Variants in CCSER1 observed in about 807,000 individuals in gnomAD.
CCSER1 encodes coiled-coil serine rich protein 1, also known as serine-rich coiled-coil domain-containing protein 1.
CCSER1 carries 41 observed loss-of-function variants against 82.0 expected under a neutral mutation model. That is an observed-to-expected ratio of 0.50 (90% CI 0.39 to 0.65). CCSER1 has a LOEUF of 0.65. Among genes scored for constraint, CCSER1 ranks in the 30% least tolerant of loss-of-function variants. The pLI is 0.00. For synonymous variants in CCSER1, 414 were observed against 383.9 expected (o/e 1.08, Z -0.92); for missense variants, 1,119 against 1,064.2 (o/e 1.05, Z -0.72).
chr4:91,340,813 C>T (rs1235411645), intron 10 of CCSER1, among the ~76,000 whole-genome samples: 1 of 152,128 alleles, frequency 6.6e-6, no homozygotes, highest in Admixed American at 6.5e-5. Flanking sequence ...ACAGTGGGCA[C>T]CACAATATGA....
intron 9 of CCSER1, among the ~76,000 whole-genome samples, chr4:90,961,888 C>CT (rs1437845266): frequency 6.6e-6 from 1 of 151,852 alleles, no homozygotes; most frequent in Non-Finnish European, 1.5e-5. Context: ...TTGGATTGAC[C>CT]TTTTTCTCAT....
intron 9 of CCSER1, among the ~76,000 whole-genome samples, chr4:91,032,032 A>ACTT (rs1276625713): frequency 4.6e-5 from 7 of 152,078 alleles, no homozygotes; most frequent in Non-Finnish European, 8.8e-5. Flanking sequence ...ACCAGCTCTG[A>ACTT]CTTCATACTC....
intron 6 of CCSER1, among the ~76,000 whole-genome samples, chr4:90,693,003 A>G (rs535157044): frequency 4.0e-4 from 61 of 151,958 alleles, no homozygotes; most frequent in Non-Finnish European, 7.8e-4. Context: ...TTACTATACC[A>G]GAAAGACACA....
intron 8 of CCSER1, among the ~76,000 whole-genome samples, chr4:90,819,567 C>T (rs1212977920): frequency 6.6e-6 from 1 of 152,090 alleles, no homozygotes; most frequent in African/African-American, 2.4e-5. Flanking sequence ...AGCATAAAGA[C>T]ACTGAGAAAC....
chr4:90,754,365 G>A (rs1749172331), intron 7 of CCSER1, among the ~76,000 whole-genome samples: 1 of 152,098 alleles, frequency 6.6e-6, no homozygotes, highest in African/African-American at 2.4e-5. Flanking sequence ...GTATGTGTGA[G>A]CATATATATC....
chr4:90,913,046 C>T (rs1431997653), intron 8 of CCSER1, among the ~76,000 whole-genome samples: 1 of 152,128 alleles, frequency 6.6e-6, no homozygotes, highest in Non-Finnish European at 1.5e-5. Context: ...AGAATGGAAC[C>T]AAGTTGGAAA....
chr4:91,361,577 AGTAGTCAATAT>A (rs1246716194), intron 10 of CCSER1, among the ~76,000 whole-genome samples: 21 of 151,814 alleles, frequency 1.4e-4, no homozygotes, highest in African/African-American at 5.1e-4. Context: ...ATGGAGATGA[AGTAGTCAATAT>A]GTTTCCATTG....
chr4:91,378,066 G>A lies in CCSER1; in HGVS notation c.2218-220506G>A, dbSNP rs367795083. 7.2e-5 allele frequency among the ~76,000 whole-genome samples: 11 copies of A among 152,134 alleles called. 1 individual carries two copies. The South Asian group carries it at 8.3e-4, about 11-fold the overall frequency. ...TCAAAGATCAGATGGTTGTAGATGT[G>A]TGGTATTATTTCTGAGGGCTCTGTT... On this transcript the variant is annotated intron_variant, in intron 10 of 10. Coordinates refer to ENST00000509176, the MANE Select transcript of CCSER1 (RefSeq NM_001145065.2).
chr4:91,462,508 G>A (rs562517529), intron 10 of CCSER1, among the ~76,000 whole-genome samples: 3 of 152,042 alleles, frequency 2.0e-5, no homozygotes, highest in Non-Finnish European at 4.4e-5. Flanking sequence ...TTGGACAGTG[G>A]GTGAAGGACA....
At chr4:90,859,399 A>C in intron 8 of CCSER1, among the ~76,000 whole-genome samples, 1 of 151,814 alleles carries the variant, frequency 6.6e-6, no homozygotes, top group East Asian at 1.9e-4. Flanking sequence ...AACTACAGTA[A>C]TTGCTCTCTT....
At chr4:91,427,463 T>C (rs1469979272) in intron 10 of CCSER1, among the ~76,000 whole-genome samples, 4 of 152,132 alleles carry the variant, frequency 2.6e-5, no homozygotes, top group Non-Finnish European at 5.9e-5. Context: ...GATTCAGTTT[T>C]TCTATCTGTA....
intron 10 of CCSER1, among the ~76,000 whole-genome samples, chr4:91,205,461 C>T (rs748747184): frequency 2.7e-4 from 41 of 151,802 alleles, no homozygotes; most frequent in Non-Finnish European, 5.2e-4. Flanking sequence ...GTTCATTTTA[C>T]ATGAGTGATG....
intron 6 of CCSER1, 35 bp downstream of exon 6, chr4:90,628,267 G>GTCTACCAGCA: frequency 6.5e-7 from 1 of 1,545,330 alleles, no homozygotes; most frequent in Non-Finnish European, 8.9e-7. Flanking sequence ...GTCCTTCAGT[G>GTCTACCAGCA]CTGGTAGACA....
rs62309591 is a variant in CCSER1, at chr4:91,472,560, A to G, written c.2218-126012A>G. On this transcript the variant is annotated intron_variant, in intron 10 of 10. Coordinates refer to ENST00000509176, the MANE Select transcript of CCSER1 (RefSeq NM_001145065.2). ...AAATCTGAATTGTTTTATTTTGCTC[A>G]TAGTTAGTAAATGACACATTCTGTG... Among the ~76,000 whole-genome samples, 1,246 of 152,276 alleles carry G rather than the reference A, an allele frequency of 8.2e-3. 9 individuals carry two copies. The highest frequency in any genetic ancestry group is 0.013 in the Non-Finnish European group (860 of 68,030).
intron 8 of CCSER1, among the ~76,000 whole-genome samples, chr4:90,897,397 T>A (rs776643707): frequency 3.9e-5 from 6 of 152,192 alleles, no homozygotes; most frequent in Non-Finnish European, 7.4e-5. Context: ...GTGTTTGATT[T>A]TCTGTTTCTG....
chr4:91,018,680 G>A (rs1340418668), intron 9 of CCSER1, among the ~76,000 whole-genome samples: 2 of 151,938 alleles, frequency 1.3e-5, no homozygotes, highest in African/African-American at 4.8e-5. Flanking sequence ...CTACTGATGT[G>A]TAAATTCAAT....
rs1730277365 is a variant in CCSER1 at position 90,932,994 on chromosome 4, A to AAGAAAGAAAG, written c.2172+9549_2172+9558dup. The stretch of plus-strand genomic sequence containing the variant: ...AGAAAGAAAGAAAGAGAAAGAAAGA[A>AAGAAAGAAAG]AGAAAGAAAGAAAGAAAGAAAGAAA... On this transcript the variant is annotated intron_variant, in intron 9 of 10. Coordinates refer to ENST00000509176, the MANE Select transcript of CCSER1 (RefSeq NM_001145065.2). Among the ~76,000 whole-genome samples, 5 of 60,400 alleles carry AAGAAAGAAAG rather than the reference A, an allele frequency of 8.3e-5. 1 individual carries two copies. Among genetic ancestry groups the AAGAAAGAAAG allele is most frequent in the African/African-American group, 3.4e-4 (3 of 8,896 alleles). The allele number at this position is 60,400 out of a possible 152,430, so 39.6% of individuals were successfully genotyped here. A position where few individuals can be genotyped will look rare whatever the true frequency, so the allele number is the denominator to read the frequency against.
chr4:91,378,893 T>C (rs1248695248), intron 10 of CCSER1, among the ~76,000 whole-genome samples: 1 of 152,198 alleles, frequency 6.6e-6, no homozygotes, highest in African/African-American at 2.4e-5. Context: ...GGGTTTGCCA[T>C]AGATAGCTCT....
Position 90,892,277 on chromosome 4 carries a change from C to T in CCSER1, c.2095-31093C>T, listed in dbSNP as rs11940012. On this transcript the variant is annotated intron_variant, in intron 8 of 10. Transcript: ENST00000509176. ...GACCTTTAATTTTACATTTCTCATC[C>T]TGCTTTTATTTTCTAGCCCCTCTCC... 9.4e-3 allele frequency among the ~76,000 whole-genome samples: 1,432 copies of T among 151,686 alleles called. 19 individuals are homozygous for T. Among genetic ancestry groups the T allele is most frequent in the African/African-American group, 0.033 (1,365 of 41,392 alleles).
Sources: gnomAD v4.1 joint callset for allele counts (sites outside exome capture counted in the v4.1 genomes callset) on GRCh38, gnomAD v4.1.1 for gene constraint, MANE v1.5 for transcripts, NCBI Gene and HGNC (gene_info 2026-07-23, HGNC 2026-07-21) for gene names.